The following C2orf49 variants were observed in gnomAD, a reference collection of about 807,000 sequenced individuals.
The protein encoded by C2orf49 is tRNA splicing ligase complex subunit 2, also known as tRNA-splicing ligase complex subunit ASW.
In C2orf49, 11 loss-of-function variants were observed where a neutral mutation model predicts 20.6. The ratio of observed to expected loss-of-function variants is 0.53; its 90% CI spans 0.34 to 0.88. The LOEUF (loss-of-function observed/expected upper bound fraction) is 0.88. C2orf49 is among the 40% of genes least tolerant of loss of function. The pLI is 0.02. For synonymous variants in C2orf49, 134 were observed against 108.5 expected, an observed-to-expected ratio of 1.24 and a Z score of -1.46; for missense variants, 289 against 274.2, an observed-to-expected ratio of 1.05 and a Z score of -0.38.
downstream of C2orf49, among the ~76,000 whole-genome samples, chr2:105,350,695 G>C (rs570375106): frequency 1.1e-4 from 16 of 152,018 alleles, no homozygotes; most frequent in Admixed American, 1.0e-3. Flanking sequence ...CCTATCTTTC[G>C]AAGCCTTCTG....
the C2orf49 span, among the ~76,000 whole-genome samples, chr2:105,355,770 TTGTGTGTGTGTGTGTGTGTGTG>T: frequency 5.6e-5 from 8 of 143,202 alleles, no homozygotes; most frequent in South Asian, 6.8e-4. Flanking sequence ...AGAAAAAATT[TTGTGTGTGTGTGTGTGTGTGTG>T]TGTGTGTGTG....
chr2:105,382,106 C>T, the C2orf49 span, among the ~76,000 whole-genome samples: 3 of 152,208 alleles, frequency 2.0e-5, no homozygotes, highest in African/African-American at 7.2e-5. Flanking sequence ...CATTTCTGTC[C>T]ATTACCAAAC....
the C2orf49 span, chr2:105,367,433 G>A: frequency 8.6e-6 from 7 of 817,624 alleles, no homozygotes; most frequent in East Asian, 1.8e-4. Flanking sequence ...TGCTCAGAAT[G>A]TAAGGCAGGA....
At chr2:105,380,297 G>A in the C2orf49 span, among the ~76,000 whole-genome samples, 2 of 152,166 alleles carry the variant, frequency 1.3e-5, no homozygotes, top group African/African-American at 4.8e-5. Flanking sequence ...GGGTGCCTGA[G>A]CCTGTGCTTC....
chr2:105,379,704 C>T, the C2orf49 span, among the ~76,000 whole-genome samples: 2 of 152,188 alleles, frequency 1.3e-5, no homozygotes, highest in Non-Finnish European at 2.9e-5. Flanking sequence ...TGACCCTCTG[C>T]TCTGGTCCCC....
intron 2 of C2orf49, among the ~76,000 whole-genome samples, chr2:105,340,745 G>A (rs1278011382): frequency 6.6e-6 from 1 of 152,132 alleles, no homozygotes; most frequent in Non-Finnish European, 1.5e-5. Flanking sequence ...AGTACAAAGT[G>A]TCCTAAGATC....
At chr2:105,371,317 C>G in the C2orf49 span, among the ~76,000 whole-genome samples, 7 of 152,150 alleles carry the variant, frequency 4.6e-5, no homozygotes, top group Admixed American at 1.3e-4. Context: ...TTCATCTAAT[C>G]GGTAGTGGGC....
At chr2:105,342,158 G>T (rs1427991299) in intron 2 of C2orf49, among the ~76,000 whole-genome samples, 1 of 152,240 alleles carries the variant, frequency 6.6e-6, no homozygotes, top group African/African-American at 2.4e-5. Flanking sequence ...GGCAACAAGA[G>T]CGCAACTCCG....
the C2orf49 span, among the ~76,000 whole-genome samples, chr2:105,364,043 G>A: frequency 1.3e-5 from 2 of 152,152 alleles, no homozygotes; most frequent in Admixed American, 6.5e-5. Context: ...GATCACTTGA[G>A]GTCAGGAGTT....
chr2:105,368,610 C>A, the C2orf49 span, among the ~76,000 whole-genome samples: 1 of 152,198 alleles, frequency 6.6e-6, no homozygotes, highest in Admixed American at 6.5e-5. Flanking sequence ...TCCAAGTGAA[C>A]TGAGGAGCTC....
the C2orf49 span, among the ~76,000 whole-genome samples, chr2:105,384,191 G>A: frequency 6.6e-6 from 1 of 152,170 alleles, no homozygotes. Flanking sequence ...GATGATATCT[G>A]AACCTCTCAC....
At chr2:105,371,014 G>C in the C2orf49 span, among the ~76,000 whole-genome samples, 1 of 152,182 alleles carries the variant, frequency 6.6e-6, no homozygotes, top group South Asian at 2.1e-4. Context: ...TAGTAGAAGA[G>C]GCTGCCGGCC....
At chr2:105,373,722 G>A in the C2orf49 span, 2 of 1,613,966 alleles carry the variant, frequency 1.2e-6, no homozygotes, top group Non-Finnish European at 1.7e-6. Context: ...GCCGGTCCTT[G>A]TAAGACAAGT....
In C2orf49 at chr2:105,345,635, A is replaced by G. The variant is rs1679792503; in HGVS notation, c.*264A>G. 2 of 426,914 alleles carry G rather than the reference A, an allele frequency of 4.7e-6. No homozygotes were observed. Among genetic ancestry groups the G allele is most frequent in the Non-Finnish European group, 4.2e-6 (1 of 240,104 alleles). 26.4% of individuals were successfully genotyped at this position (426,914 alleles called of 1,614,324 possible). ...AGTATATGTCATTTATATTGACCCT[A>G]CTGAAATTATTAGCTACAAATGTGC... On this transcript the variant is annotated 3_prime_UTR_variant, in exon 4 of 4. Transcript: ENST00000258457.
At chr2:105,373,317 C>G in the C2orf49 span, among the ~76,000 whole-genome samples, 4 of 152,192 alleles carry the variant, frequency 2.6e-5, no homozygotes, top group Non-Finnish European at 5.9e-5. Context: ...TTTTCTTACT[C>G]TAACAATTTG....
the C2orf49 span, among the ~76,000 whole-genome samples, chr2:105,381,833 G>T: frequency 6.6e-6 from 1 of 152,136 alleles, no homozygotes; most frequent in Non-Finnish European, 1.5e-5. Flanking sequence ...AAAAGCACCA[G>T]GTTGGCAGGC....
At chr2:105,382,469 G>A in the C2orf49 span, among the ~76,000 whole-genome samples, 1 of 152,154 alleles carries the variant, frequency 6.6e-6, no homozygotes, top group East Asian at 1.9e-4. Flanking sequence ...TTAACCCTTG[G>A]CAAGATCCTC....
intron 1 of C2orf49, among the ~76,000 whole-genome samples, chr2:105,338,008 A>G (rs929473351): frequency 1.3e-5 from 2 of 152,224 alleles, no homozygotes; most frequent in African/African-American, 4.8e-5. Context: ...AGCGTGGAAT[A>G]GACATGGAAT....
chr2:105,359,390 AAAAG>A, the C2orf49 span: 2 of 152,246 alleles, frequency 1.3e-5, no homozygotes, highest in South Asian at 4.1e-4. Context: ...CTATAAAACC[AAAAG>A]ACTCATTCCA....
Sources: gnomAD v4.1 joint callset for allele counts (sites outside exome capture counted in the v4.1 genomes callset) on GRCh38, gnomAD v4.1.1 for gene constraint, MANE v1.5 for transcripts, NCBI Gene and HGNC (gene_info 2026-07-23, HGNC 2026-07-21) for gene names.